The following USH2A variants were observed in gnomAD, a reference collection of about 807,000 sequenced individuals.
USH2A encodes Usher syndrome 2A (autosomal recessive, mild).
USH2A carries 443 observed loss-of-function variants against 538.9 expected under a neutral mutation model. The ratio of observed to expected loss-of-function variants is 0.82; its 90% confidence interval spans 0.76 to 0.89. The LOEUF is 0.89. Among genes scored for constraint, USH2A ranks in the 40% least tolerant of loss-of-function variants. The probability of loss-of-function intolerance (pLI) is 0.00; values close to 1 mark genes in which losing one functional copy is unlikely to be tolerated. For missense variants in USH2A, 6,633 were observed against 6,324.8 expected, an observed-to-expected ratio of 1.05 and a Z score of -1.65; for synonymous variants, 2,413 against 2,273.5, an observed-to-expected ratio of 1.06 and a Z score of -1.75.
chr1:215,640,729 G>C lies in USH2A; in HGVS notation c.14797C>G (p.Gln4933Glu). 6.2e-7 allele frequency: 1 copy of C among 1,611,362 alleles called. No individual in the cohort carries two copies. The highest frequency in any genetic ancestry group is 1.7e-5 in the Admixed American group (1 of 59,808). Residue 4933 changes from glutamine (Q) to glutamate (E), a missense_variant, in exon 68 of 72, where the codon CAG becomes GAG. Transcript: ENST00000307340. The stretch of plus-strand genomic sequence containing the variant: ...TCCACCGAAAATGGGGCTCGGTACT[G>C]AGGCACTGTGGGGAGAAAGTTGTAT... ...ISFTTQKELP[Q>E]YRAPFSVDSN...
intron 60 of USH2A, among the ~76,000 whole-genome samples, chr1:215,739,855 A>T (rs1660252471): frequency 1.3e-5 from 2 of 152,208 alleles, no homozygotes; most frequent in Admixed American, 1.3e-4. Flanking sequence ...GAGGAGCCTA[A>T]GTAAGTTTCA....
chr1:215,845,645 TG>T (rs570127127), intron 45 of USH2A, among the ~76,000 whole-genome samples, 178 bp downstream of exon 45: 1 of 152,222 alleles, frequency 6.6e-6, no homozygotes, highest in Non-Finnish European at 1.5e-5. Context: ...TCTGTCTCAA[TG>T]GGACTGCTTA....
intron 30 of USH2A, among the ~76,000 whole-genome samples, chr1:216,067,380 C>T (rs754205416): frequency 8.0e-5 from 12 of 150,258 alleles, no homozygotes; most frequent in Non-Finnish European, 1.2e-4. Flanking sequence ...CAAGCCTGCA[C>T]ATTCTGCACA....
At chr1:216,368,484 G>A (rs961933828) in intron 3 of USH2A, among the ~76,000 whole-genome samples, 3 of 152,148 alleles carry the variant, frequency 2.0e-5, no homozygotes, top group African/African-American at 7.2e-5. Flanking sequence ...TACCTGTGCT[G>A]AATTTGTTAC....
intron 40 of USH2A, among the ~76,000 whole-genome samples, chr1:215,890,677 G>A (rs1665185427): frequency 6.6e-6 from 1 of 152,120 alleles, no homozygotes; most frequent in African/African-American, 2.4e-5. Flanking sequence ...TCTTACTTTT[G>A]CTCTCTGGTA....
chr1:216,066,802 A>G (rs1161904027), intron 30 of USH2A, among the ~76,000 whole-genome samples: 3 of 152,180 alleles, frequency 2.0e-5, no homozygotes, highest in Non-Finnish European at 4.4e-5. Context: ...TCTGAGGTAA[A>G]TATCACTCTC....
chr1:215,711,471 T>C (rs1207749025), intron 61 of USH2A, among the ~76,000 whole-genome samples: 2 of 152,202 alleles, frequency 1.3e-5, no homozygotes, highest in Non-Finnish European at 2.9e-5. Flanking sequence ...GAAGAGAACA[T>C]ATTTTAGGAA....
rs568659168 is a variant in USH2A at position 216,059,225 on chromosome 1, A to T, written c.6050-10578T>A. ...ATTTTAATTTAATTTAATCTTACTG[A>T]TGATACTCTGCATAGCTGAGTTTAA... On this transcript the variant is annotated intron_variant, in intron 30 of 71. Coordinates refer to ENST00000307340, the MANE Select transcript of USH2A (RefSeq NM_206933.4). Among the ~76,000 whole-genome samples, 3 of 152,290 alleles carry T rather than the reference A, an allele frequency of 2.0e-5. No individual in the cohort carries two copies. The South Asian group carries it at 6.2e-4, about 32-fold the overall frequency.
At chr1:215,716,385 A>C (rs1659488712) in intron 61 of USH2A, among the ~76,000 whole-genome samples, 1 of 152,224 alleles carries the variant, frequency 6.6e-6, no homozygotes, top group Non-Finnish European at 1.5e-5. Flanking sequence ...CCAACCCATT[A>C]ATCAAGCTAT....
intron 58 of USH2A, among the ~76,000 whole-genome samples, chr1:215,758,208 C>A (rs749166579): frequency 1.3e-4 from 19 of 151,434 alleles, no homozygotes; most frequent in Non-Finnish European, 2.5e-4. Context: ...TTTGTTTGAA[C>A]CCAGGAGTCG....
At chr1:216,164,511 G>A (rs2034128642) in intron 21 of USH2A, among the ~76,000 whole-genome samples, 1 of 152,178 alleles carries the variant, frequency 6.6e-6, no homozygotes, top group African/African-American at 2.4e-5. Flanking sequence ...CTTAGTTTTC[G>A]AGAAGACTGA....
intron 70 of USH2A, among the ~76,000 whole-genome samples, chr1:215,630,527 T>TATATATGTATGAGA (rs1553248492): frequency 1.6e-5 from 2 of 121,768 alleles, no homozygotes; most frequent in African/African-American, 7.2e-5. Context: ...TATATATATA[T>TATATATGTATGAGA]GAGAGAGAGA....
chr1:216,300,294 T>C (rs1041131772), intron 9 of USH2A, among the ~76,000 whole-genome samples: 6 of 152,206 alleles, frequency 3.9e-5, no homozygotes, highest in Non-Finnish European at 7.4e-5. Flanking sequence ...GTTTTCCCAA[T>C]CTCCAGTTGA....
chr1:216,197,287 T>G (rs946982817), intron 18 of USH2A, among the ~76,000 whole-genome samples: 1 of 152,168 alleles, frequency 6.6e-6, no homozygotes, highest in African/African-American at 2.4e-5. Context: ...CCCCTGCCAC[T>G]CCTGAGCTCT....
In USH2A at chr1:215,866,158, C is replaced by A. The variant is rs971189329; in HGVS notation, c.8845+849G>T. ...GACAAGTTTTGATGAAACTATTTGC[C>A]AGATCTCAAGTTATACCTATAAGAC... On this transcript the variant is annotated intron_variant, in intron 44 of 71. Transcript: ENST00000307340. Among the ~76,000 whole-genome samples, 3 of 152,230 alleles carry A rather than the reference C, an allele frequency of 2.0e-5. No homozygotes were observed. The East Asian group carries it at 5.8e-4, about 29-fold the overall frequency.
At chr1:215,630,472 ATG>A (rs200498400) in intron 70 of USH2A, among the ~76,000 whole-genome samples, 11,437 of 62,986 alleles carry the variant, frequency 0.18, 1,209 homozygotes, top group South Asian at 0.23. Flanking sequence ...ATGTATGTGT[ATG>A]TGTGTGTGTA....
At chr1:216,266,476 C>A (rs1251862997) in intron 11 of USH2A, among the ~76,000 whole-genome samples, 1 of 152,030 alleles carries the variant, frequency 6.6e-6, no homozygotes, top group Admixed American at 6.6e-5. Context: ...TATCGGTTGC[C>A]TGTAAAGAAA....
Position 215,958,972 on chromosome 1 carries a change from T to C in USH2A, c.7120+6345A>G, listed in dbSNP as rs189338607. Among the ~76,000 whole-genome samples the C allele has an allele frequency of 9.2e-3, 1,362 of 147,764 alleles. 10 individuals carry two copies. The highest frequency in any genetic ancestry group is 0.038 in the South Asian group (176 of 4,662). The stretch of plus-strand genomic sequence containing the variant: ...CCAAAAGACTTTTCCTGAATAATCA[T>C]TGGAAATATGTGAAGATGCCCTTCT... On this transcript the variant is annotated intron_variant, in intron 37 of 71. Transcript: ENST00000307340.
Position 216,050,611 on chromosome 1 carries a change from T to C in USH2A, c.6050-1964A>G, listed in dbSNP as rs1427921464. Among the ~76,000 whole-genome samples the C allele has an allele frequency of 9.1e-3, 862 of 94,460 alleles. 12 individuals are homozygous for C. Among genetic ancestry groups the C allele is most frequent in the African/African-American group, 0.03 (821 of 27,618 alleles). The allele number at this position is 94,460 out of a possible 152,430, so 62.0% of individuals were successfully genotyped here. On this transcript the variant is annotated intron_variant, in intron 30 of 71. Transcript: ENST00000307340. ...TTCTTTCTTTCTTTCTTTCTTTTTT[T>C]TTTTTTTTTTTGAGACAGAGTCTCG...
Sources: gnomAD v4.1 joint callset for allele counts (sites outside exome capture counted in the v4.1 genomes callset) on GRCh38, gnomAD v4.1.1 for gene constraint, MANE v1.5 for transcripts, NCBI Gene and HGNC (gene_info 2026-07-23, HGNC 2026-07-21) for gene names.